ZBTB7C: variants seen among roughly 807,000 people sequenced by gnomAD.
ZBTB7C encodes zinc finger and BTB domain containing 7C.
A neutral mutation model predicts 25.7 loss-of-function variants in ZBTB7C; 8 were observed. That is an observed-to-expected ratio of 0.31 (90% CI 0.18 to 0.56). The LOEUF (loss-of-function observed/expected upper bound fraction) is 0.56, where lower values mean the gene tolerates loss of function less well. ZBTB7C is among the 20% of genes least tolerant of loss of function. The probability of loss-of-function intolerance (pLI) is 0.91; values close to 1 mark genes in which losing one functional copy is unlikely to be tolerated. For synonymous variants in ZBTB7C, 394 were observed against 369.0 expected, an observed-to-expected ratio of 1.07 and a Z score of -0.78; for missense variants, 824 against 855.2, an observed-to-expected ratio of 0.96 and a Z score of 0.46.
intron 2 of ZBTB7C, among the ~76,000 whole-genome samples, chr18:48,195,565 A>C (rs887427537): frequency 4.6e-5 from 7 of 152,182 alleles, no homozygotes; most frequent in Non-Finnish European, 8.8e-5. Context: ...TTTCTTTATA[A>C]AATTATCAAG....
intron 2 of ZBTB7C, among the ~76,000 whole-genome samples, chr18:48,257,917 C>T (rs1295835531): frequency 1.3e-5 from 2 of 151,982 alleles, no homozygotes; most frequent in African/African-American, 4.8e-5. Context: ...ACCTATAATC[C>T]CACCCACTTA....
At chr18:48,199,320 C>T (rs562605872) in intron 2 of ZBTB7C, among the ~76,000 whole-genome samples, 1 of 152,318 alleles carries the variant, frequency 6.6e-6, no homozygotes, top group East Asian at 1.9e-4. Context: ...TGCTGGCCCT[C>T]CTAATTTCCT....
chr18:48,114,081 A>G (rs551820153), intron 3 of ZBTB7C, among the ~76,000 whole-genome samples: 3 of 152,126 alleles, frequency 2.0e-5, no homozygotes, highest in East Asian at 3.9e-4. Flanking sequence ...GGGGGTTTGG[A>G]CTCCATTTAC....
chr18:48,109,890 C>T (rs372498559), intron 3 of ZBTB7C, among the ~76,000 whole-genome samples: 1 of 152,198 alleles, frequency 6.6e-6, no homozygotes, highest in East Asian at 1.9e-4. Context: ...CCAAACACTT[C>T]TCTCTAGCAC....
At chr18:48,411,001 T>C (rs2048380203), upstream of ZBTB7C, among the ~76,000 whole-genome samples, 2 of 152,230 alleles carry the variant, frequency 1.3e-5, no homozygotes, top group South Asian at 4.1e-4. Context: ...TTCACAAAAA[T>C]AAGTTTGTGA....
chr18:48,262,106 G>T (rs754655069), intron 2 of ZBTB7C, among the ~76,000 whole-genome samples: 8 of 152,190 alleles, frequency 5.3e-5, no homozygotes, highest in Non-Finnish European at 1.0e-4. Flanking sequence ...ACATGGAAAA[G>T]AATCTGAAAT....
intron 3 of ZBTB7C, among the ~76,000 whole-genome samples, chr18:48,127,786 C>G (rs1214043423): frequency 6.6e-6 from 1 of 152,220 alleles, no homozygotes; most frequent in Non-Finnish European, 1.5e-5. Flanking sequence ...GAGCCAGGTT[C>G]ACTCAGAGGG....
chr18:48,313,514 T>C (rs527526545), intron 2 of ZBTB7C, among the ~76,000 whole-genome samples: 1 of 152,334 alleles, frequency 6.6e-6, no homozygotes, highest in Admixed American at 6.5e-5. Flanking sequence ...CTGCTCTAGT[T>C]CCTTGTTACT....
intron 2 of ZBTB7C, among the ~76,000 whole-genome samples, chr18:48,273,103 T>TA (rs2044540856): frequency 6.6e-6 from 1 of 152,180 alleles, no homozygotes; most frequent in African/African-American, 2.4e-5. Flanking sequence ...GTGAATATAT[T>TA]AAAAATCACT....
At chr18:48,184,369 T>C (rs1205438545) in intron 3 of ZBTB7C, among the ~76,000 whole-genome samples, 2 of 152,208 alleles carry the variant, frequency 1.3e-5, no homozygotes, top group Non-Finnish European at 2.9e-5. Flanking sequence ...GGAAAGTCAG[T>C]GTGGACGTCT....
chr18:48,321,369 G>A (rs1052155070), intron 2 of ZBTB7C, among the ~76,000 whole-genome samples: 6 of 152,186 alleles, frequency 3.9e-5, no homozygotes, highest in Non-Finnish European at 7.3e-5. Flanking sequence ...TACCCAAGCT[G>A]GCAGGCACTG....
chr18:48,329,904 A>C (rs1212131834), intron 2 of ZBTB7C, among the ~76,000 whole-genome samples: 1 of 152,190 alleles, frequency 6.6e-6, no homozygotes, highest in Non-Finnish European at 1.5e-5. Context: ...TTGCACCTAC[A>C]ACAATCCCGG....
chr18:48,073,952 C>T (rs957460677), intron 3 of ZBTB7C, among the ~76,000 whole-genome samples: 2 of 152,220 alleles, frequency 1.3e-5, no homozygotes, highest in Non-Finnish European at 2.9e-5. Flanking sequence ...GCCCCTCAGG[C>T]CCCAGCCAGG....
intron 1 of ZBTB7C, among the ~76,000 whole-genome samples, chr18:48,357,476 G>GAGTAAACAAGCCTGCTCAGCGCTCAGC (rs1369099942): frequency 6.6e-6 from 1 of 152,202 alleles, no homozygotes; most frequent in Non-Finnish European, 1.5e-5. Context: ...GAGCTCCGAG[G>GAGTAAACAAGCCTGCTCAGCGCTCAGC]AGTAAACAAG....
chr18:48,292,777 G>A (rs75233541), intron 2 of ZBTB7C, among the ~76,000 whole-genome samples: 16,978 of 152,240 alleles, frequency 0.11, 1,176 homozygotes, highest in Non-Finnish European at 0.16. Context: ...GAGCTGGAAA[G>A]GAGTCCATGG....
intron 3 of ZBTB7C, among the ~76,000 whole-genome samples, chr18:48,079,249 A>C (rs2037889642): frequency 6.6e-6 from 1 of 152,202 alleles, no homozygotes; most frequent in African/African-American, 2.4e-5. Flanking sequence ...GGCATTTTTC[A>C]GTTCAACCAC....
chr18:48,137,417 C>T (rs114449009), intron 3 of ZBTB7C: 2 of 685,996 alleles, frequency 2.9e-6, no homozygotes, highest in East Asian at 1.3e-4. Flanking sequence ...TGTGGGTTTC[C>T]CCCCACTCTC....
intron 2 of ZBTB7C, among the ~76,000 whole-genome samples, chr18:48,241,209 C>T (rs573570200): frequency 3.9e-5 from 6 of 152,282 alleles, no homozygotes; most frequent in African/African-American, 1.4e-4. Context: ...AAAACAATTA[C>T]TACTATTTCT....
At chr18:48,242,387 T>A (rs1004541271) in intron 2 of ZBTB7C, among the ~76,000 whole-genome samples, 7 of 151,812 alleles carry the variant, frequency 4.6e-5, no homozygotes, top group African/African-American at 1.7e-4. Flanking sequence ...GGAAAGGACA[T>A]AACAAAAAAA....
Sources: gnomAD v4.1 joint callset for allele counts (sites outside exome capture counted in the v4.1 genomes callset) on GRCh38, gnomAD v4.1.1 for gene constraint, MANE v1.5 for transcripts, NCBI Gene and HGNC (gene_info 2026-07-23, HGNC 2026-07-21) for gene names.